Variants in BORCS5 observed in about 807,000 individuals in gnomAD.
BORCS5 encodes the protein BLOC-1 related complex subunit 5.
BORCS5 carries 17 observed loss-of-function variants against 22.1 expected under a neutral mutation model. The ratio of observed to expected loss-of-function variants is 0.77; its 90% CI spans 0.53 to 1.15. The LOEUF is 1.15. Among genes scored for constraint, BORCS5 ranks in the 50% most tolerant of loss-of-function variants. The pLI, the probability that BORCS5 is intolerant of heterozygous loss-of-function variation, is 0.00. For synonymous variants in BORCS5, 117 were observed against 99.8 expected (o/e 1.17, Z -1.03); for missense variants, 247 against 253.2 (o/e 0.98, Z 0.17).
rs1046090160 is a variant in BORCS5 at position 12,357,992 on chromosome 12, G to T, written c.58+483G>T. Among the ~76,000 whole-genome samples, 3 of 152,212 alleles carry T rather than the reference G, an allele frequency of 2.0e-5. No homozygotes were observed. In the East Asian group the frequency reaches 5.8e-4, roughly 29 times the overall value. ...AGAAACAGCTTTTTCTTCTCAGAAG[G>T]TGTCTTGGTCCGTTTTCTAATCTTG... is the stretch of plus-strand genomic sequence containing the variant. On this transcript the variant is annotated intron_variant, in intron 1 of 3. Coordinates refer to ENST00000314565, the MANE Select transcript of BORCS5 (RefSeq NM_058169.6).
chr12:12,442,708 G>A (rs936333950), intron 3 of BORCS5, among the ~76,000 whole-genome samples: 1 of 152,178 alleles, frequency 6.6e-6, no homozygotes. Context: ...GATGGTATTA[G>A]AAGGTGAGTC....
At chr12:12,407,768 C>T (rs533688750) in intron 2 of BORCS5, among the ~76,000 whole-genome samples, 2 of 150,302 alleles carry the variant, frequency 1.3e-5, no homozygotes, top group Admixed American at 6.6e-5. Flanking sequence ...TGCAGTGGCA[C>T]GATCTTGGCT....
intron 2 of BORCS5, among the ~76,000 whole-genome samples, chr12:12,404,469 G>A (rs1290921152): frequency 6.6e-6 from 1 of 152,164 alleles, no homozygotes; most frequent in Non-Finnish European, 1.5e-5. Flanking sequence ...CCCCTGCTGA[G>A]CCCTTTTGTA....
chr12:12,400,981 GAT>G (rs1403475443), intron 2 of BORCS5, among the ~76,000 whole-genome samples: 2 of 152,000 alleles, frequency 1.3e-5, no homozygotes, highest in African/African-American at 2.4e-5. Flanking sequence ...TATCCATGTT[GAT>G]ATATGTCTCA....
intron 2 of BORCS5, among the ~76,000 whole-genome samples, chr12:12,429,215 C>T (rs142698487): frequency 6.6e-6 from 1 of 152,218 alleles, no homozygotes; most frequent in East Asian, 1.9e-4. Flanking sequence ...TTTACCGTCT[C>T]TAAATTTGCC....
At position 12,435,827 on chromosome 12, in the gene BORCS5, T is replaced by G. The variant is rs562621017; in HGVS notation, c.360+42T>G. On this transcript the variant is annotated intron_variant, in intron 3 of 3. Transcript: ENST00000314565. ...AAATAACATTGCTGACTGGTTGTTG[T>G]GATTCTCTGCAACTCTGGATGCCAT... 5.7e-5 allele frequency: 91 copies of G among 1,584,740 alleles called. 1 individual carries two copies. The South Asian group carries it at 1.0e-3, about 18-fold the overall frequency.
intron 2 of BORCS5, among the ~76,000 whole-genome samples, chr12:12,398,299 A>G (rs1298989066): frequency 1.3e-5 from 2 of 152,278 alleles, no homozygotes; most frequent in Non-Finnish European, 2.9e-5. Flanking sequence ...TTTTTTCCAT[A>G]CAAATAGTAC....
At chr12:12,465,063 C>A (rs1943174097) in intron 3 of BORCS5, among the ~76,000 whole-genome samples, 1 of 152,158 alleles carries the variant, frequency 6.6e-6, no homozygotes, top group African/African-American at 2.4e-5. Context: ...CTTCGACCTT[C>A]TGGACTCAAG....
intron 1 of BORCS5, among the ~76,000 whole-genome samples, chr12:12,357,986 C>T (rs549023996): frequency 2.0e-5 from 3 of 152,322 alleles, no homozygotes; most frequent in Non-Finnish European, 2.9e-5. Flanking sequence ...TTTTTCTTCT[C>T]AGAAGGTGTC....
chr12:12,465,325 G>T (rs60971404), intron 3 of BORCS5, among the ~76,000 whole-genome samples: 27,866 of 152,040 alleles, frequency 0.18, 3,786 homozygotes, highest in African/African-American at 0.38. Flanking sequence ...AGAACATAGA[G>T]CCAGGGACAG....
Position 12,432,347 on chromosome 12 carries a change from C to T in BORCS5, c.203-3281C>T, listed in dbSNP as rs559574755. 1.1e-3 allele frequency among the ~76,000 whole-genome samples: 161 copies of T among 152,244 alleles called. 4 individuals are homozygous for T. Among genetic ancestry groups the T allele is most frequent in the Admixed American group, 9.6e-3 (147 of 15,288 alleles). On this transcript the variant is annotated intron_variant, in intron 2 of 3. Coordinates refer to ENST00000314565, the MANE Select transcript of BORCS5 (RefSeq NM_058169.6). ...CTTTTGGTATCTTCTCCCAAGTTTG[C>T]GTTCCTGGAAATGTATTTCTTGTCA... is the stretch of plus-strand genomic sequence containing the variant.
At chr12:12,426,535 A>G (rs1173521953) in intron 2 of BORCS5, among the ~76,000 whole-genome samples, 1 of 152,248 alleles carries the variant, frequency 6.6e-6, no homozygotes, top group Non-Finnish European at 1.5e-5. Flanking sequence ...GGTACCATAA[A>G]TTAGGGCCAC....
intron 2 of BORCS5, among the ~76,000 whole-genome samples, chr12:12,414,811 G>T: frequency 6.9e-6 from 1 of 145,332 alleles, no homozygotes. Context: ...TTGCCAGGCA[G>T]AGGGTTTCCT....
chr12:12,415,554 A>G (rs868123099), intron 2 of BORCS5, among the ~76,000 whole-genome samples: 3 of 3,648 alleles, frequency 8.2e-4, no homozygotes, highest in East Asian at 9.6e-3. Context: ...GAGACCGTGG[A>G]GAGAGGGGGA....
At chr12:12,420,363 T>C (rs904022500) in intron 2 of BORCS5, among the ~76,000 whole-genome samples, 2 of 152,152 alleles carry the variant, frequency 1.3e-5, no homozygotes, top group African/African-American at 4.8e-5. Flanking sequence ...TGTAGATGTG[T>C]GGTGTTATTT....
intron 3 of BORCS5, among the ~76,000 whole-genome samples, chr12:12,442,649 C>T (rs148197708): frequency 2.0e-5 from 3 of 152,250 alleles, no homozygotes; most frequent in East Asian, 1.9e-4. Context: ...CAAGGATCTT[C>T]GAGTGTATAT....
At chr12:12,365,256 ACCT>A (rs1565827835) in intron 2 of BORCS5, among the ~76,000 whole-genome samples, 2 of 151,686 alleles carry the variant, frequency 1.3e-5, no homozygotes, top group African/African-American at 4.8e-5. Flanking sequence ...TCCAGCCTCC[ACCT>A]CCTGGGCTCA....
chr12:12,357,757 C>G (rs1172179955), intron 1 of BORCS5, among the ~76,000 whole-genome samples: 3 of 152,220 alleles, frequency 2.0e-5, no homozygotes, highest in Non-Finnish European at 4.4e-5. Context: ...CCGTTTCTCC[C>G]AGCTACAGCC....
intron 2 of BORCS5, among the ~76,000 whole-genome samples, chr12:12,398,624 A>AAGGATG (rs1253763398): frequency 2.6e-5 from 4 of 152,258 alleles, no homozygotes; most frequent in African/African-American, 9.6e-5. Flanking sequence ...ATGCTGCATC[A>AAGGATG]AGGATGAGTG....
Sources: gnomAD v4.1 joint callset for allele counts (sites outside exome capture counted in the v4.1 genomes callset) on GRCh38, gnomAD v4.1.1 for gene constraint, MANE v1.5 for transcripts, NCBI Gene and HGNC (gene_info 2026-07-23, HGNC 2026-07-21) for gene names.